The following PDGFRL variants were observed in gnomAD, a reference collection of about 807,000 sequenced individuals.
PDGFRL encodes platelet-derived growth factor receptor-like protein.
In PDGFRL, 46 loss-of-function variants were observed where a neutral mutation model predicts 37.2. The ratio of observed to expected loss-of-function variants is 1.24; its 90% confidence interval spans 0.98 to 1.58. The LOEUF (loss-of-function observed/expected upper bound fraction) is 1.58. PDGFRL is among the 40% of genes most tolerant of loss of function. The probability of loss-of-function intolerance (pLI) is 0.00; values close to 1 mark genes in which losing one functional copy is unlikely to be tolerated. For missense variants in PDGFRL, 692 were observed against 467.6 expected, an observed-to-expected ratio of 1.48 and a Z score of -4.43; for synonymous variants, 251 against 184.3, an observed-to-expected ratio of 1.36 and a Z score of -2.93.
At chr8:17,585,748 G>C (rs1803801240) in intron 1 of PDGFRL, among the ~76,000 whole-genome samples, 1 of 152,032 alleles carries the variant, frequency 6.6e-6, no homozygotes, top group Non-Finnish European at 1.5e-5. Context: ...TCTCATCCAG[G>C]CTGCAGTCAA....
In PDGFRL at chr8:17,593,437, G is replaced by GAA. The variant is rs35908143; in HGVS notation, c.353+3681_353+3682dup. ...TGAAACCATCTCTACTAAAAATACGGAAAAAAAAAATTTAACCTGGCTTTG... is the reference window on the plus strand; with the variant it reads ...TGAAACCATCTCTACTAAAAATACGGAAAAAAAAAAAATTTAACCTGGCTTTG... On this transcript the variant is annotated intron_variant, in intron 2 of 5. Coordinates refer to ENST00000251630, the MANE Select transcript of PDGFRL (RefSeq NM_001372073.1). 9.1e-4 allele frequency among the ~76,000 whole-genome samples: 134 copies of GAA among 147,870 alleles called. 2 individuals are homozygous for GAA. Among genetic ancestry groups the GAA allele is most frequent in the East Asian group, 1.4e-3 (7 of 4,988 alleles).
chr8:17,608,551 C>G (rs1804335152), intron 2 of PDGFRL, among the ~76,000 whole-genome samples: 1 of 152,162 alleles, frequency 6.6e-6, no homozygotes. Context: ...GAGGGGTGAC[C>G]AGAGCGAGTG....
intron 2 of PDGFRL, among the ~76,000 whole-genome samples, chr8:17,593,830 G>C (rs1193411638): frequency 6.6e-6 from 1 of 151,500 alleles, no homozygotes; most frequent in Non-Finnish European, 1.5e-5. Flanking sequence ...GGAGGTTGTG[G>C]TGAGCCGAGA....
intron 3 of PDGFRL, among the ~76,000 whole-genome samples, chr8:17,625,824 A>G (rs1161685774): frequency 2.0e-5 from 3 of 152,130 alleles, no homozygotes; most frequent in African/African-American, 7.2e-5. Flanking sequence ...CCCTGACTCT[A>G]GAAAAACTAA....
At chr8:17,607,552 C>G (rs896004647) in intron 2 of PDGFRL, among the ~76,000 whole-genome samples, 9 of 152,132 alleles carry the variant, frequency 5.9e-5, no homozygotes, top group Non-Finnish European at 8.8e-5. Flanking sequence ...GTGCGTTAAA[C>G]CAAAGACACT....
chr8:17,592,235 T>G (rs1803955474), intron 2 of PDGFRL, among the ~76,000 whole-genome samples: 1 of 152,252 alleles, frequency 6.6e-6, no homozygotes, highest in Non-Finnish European at 1.5e-5. Flanking sequence ...CCATTGCTTT[T>G]GCGCCAACCT....
At chr8:17,635,295 C>G (rs1804949690) in intron 5 of PDGFRL, among the ~76,000 whole-genome samples, 2 of 151,612 alleles carry the variant, frequency 1.3e-5, no homozygotes, top group African/African-American at 2.4e-5. Flanking sequence ...CTCCCCCCAA[C>G]CCTTTCCCCT....
At chr8:17,636,968 T>C (rs1804982807) in intron 5 of PDGFRL, among the ~76,000 whole-genome samples, 1 of 152,226 alleles carries the variant, frequency 6.6e-6, no homozygotes, top group Non-Finnish European at 1.5e-5. Flanking sequence ...TAATTTTGTA[T>C]CCTGAAACTT....
chr8:17,642,417 G>T (rs1314127484), intron 5 of PDGFRL, among the ~76,000 whole-genome samples, 196 bp from the exon 6 acceptor site: 2 of 152,188 alleles, frequency 1.3e-5, no homozygotes, highest in Non-Finnish European at 2.9e-5. Flanking sequence ...AAATTCAAGG[G>T]CTGTTTGGAA....
chr8:17,613,542 C>T (rs1024239395), intron 2 of PDGFRL, among the ~76,000 whole-genome samples: 11 of 152,048 alleles, frequency 7.2e-5, no homozygotes, highest in East Asian at 1.9e-4. Context: ...TGCAGTCTCC[C>T]GTGAAGTAGT....
chr8:17,634,838 AG>A (rs1804937354), intron 5 of PDGFRL, among the ~76,000 whole-genome samples: 1 of 152,152 alleles, frequency 6.6e-6, no homozygotes, highest in Non-Finnish European at 1.5e-5. Flanking sequence ...GGGAGGAGGG[AG>A]AAGATCGGGC....
chr8:17,577,351 T>G, intron 1 of PDGFRL, 44 bp downstream of exon 1: 3 of 1,547,078 alleles, frequency 1.9e-6, no homozygotes, highest in Non-Finnish European at 8.9e-7. Flanking sequence ...GTGCCCTGAC[T>G]TTAGCCGGGA....
chr8:17,624,112 G>A (rs1008112657), intron 3 of PDGFRL, among the ~76,000 whole-genome samples: 7 of 152,048 alleles, frequency 4.6e-5, no homozygotes, highest in Admixed American at 1.3e-4. Context: ...TTACTATAGG[G>A]TTTGGCAATT....
chr8:17,618,742 T>C (rs1804577069), intron 2 of PDGFRL, among the ~76,000 whole-genome samples: 1 of 152,180 alleles, frequency 6.6e-6, no homozygotes, highest in Non-Finnish European at 1.5e-5. Context: ...GAGTCCTTAC[T>C]GCATACTCTG....
chr8:17,612,034 G>A (rs1413766113), intron 2 of PDGFRL, among the ~76,000 whole-genome samples: 1 of 152,170 alleles, frequency 6.6e-6, no homozygotes, highest in Non-Finnish European at 1.5e-5. Context: ...CACACAGGCA[G>A]GGGAGCAGAA....
chr8:17,593,423 C>A (rs994183621), intron 2 of PDGFRL, among the ~76,000 whole-genome samples: 4 of 118,048 alleles, frequency 3.4e-5, no homozygotes, highest in African/African-American at 1.1e-4. Flanking sequence ...GAAACCATCT[C>A]TACTAAAAAT....
At chr8:17,636,849 T>G (rs1804980210) in intron 5 of PDGFRL, among the ~76,000 whole-genome samples, 1 of 152,170 alleles carries the variant, frequency 6.6e-6, no homozygotes, top group African/African-American at 2.4e-5. Flanking sequence ...TTAGGTATAT[T>G]TCTGAGTATA....
chr8:17,591,588 A>G (rs963680703), intron 2 of PDGFRL, among the ~76,000 whole-genome samples: 1 of 152,202 alleles, frequency 6.6e-6, no homozygotes, highest in Admixed American at 6.5e-5. Context: ...GAAATACCAG[A>G]TGTTGTCTGA....
At chr8:17,580,375 A>G (rs1196007053) in intron 1 of PDGFRL, among the ~76,000 whole-genome samples, 3 of 152,206 alleles carry the variant, frequency 2.0e-5, no homozygotes, top group Non-Finnish European at 4.4e-5. Context: ...GAAAAAAAGA[A>G]TTCTAAAGTT....
Sources: gnomAD v4.1 joint callset for allele counts (sites outside exome capture counted in the v4.1 genomes callset) on GRCh38, gnomAD v4.1.1 for gene constraint, MANE v1.5 for transcripts, NCBI Gene and HGNC (gene_info 2026-07-23, HGNC 2026-07-21) for gene names.